NNT: variants seen among roughly 807,000 people sequenced by gnomAD.
NNT encodes the protein NAD(P) transhydrogenase, mitochondrial.
NNT carries 50 observed loss-of-function variants against 104.8 expected under a neutral mutation model. That is an observed-to-expected ratio of 0.48 (90% CI 0.38 to 0.60). The LOEUF (loss-of-function observed/expected upper bound fraction) is 0.60. Among genes scored for constraint, NNT ranks in the 20% least tolerant of loss-of-function variants. NNT has a pLI of 0.00. For synonymous variants in NNT, 461 were observed against 490.4 expected (o/e 0.94, Z 0.79); for missense variants, 1,131 against 1,330.7 (o/e 0.85, Z 2.33).
chr5:43,701,002 G>A (rs987436507), intron 20 of NNT, among the ~76,000 whole-genome samples: 4 of 152,212 alleles, frequency 2.6e-5, no homozygotes, highest in African/African-American at 9.7e-5. Flanking sequence ...AGATTCCACT[G>A]TTGTTAAATT....
rs1412211304 is a variant in NNT, at chr5:43,707,198, TA to T, written c.*2797del. ...AATGTGATCTTTCCCATTAAAAAAA[TA>T]AAGAAATTTTGGGGTAAAAAAACAC... is the stretch of plus-strand genomic sequence containing the variant. On this transcript the variant is annotated 3_prime_UTR_variant, in exon 22 of 22. Coordinates refer to ENST00000344920, the MANE Select transcript of NNT (RefSeq NM_182977.3). 1 of 151,466 alleles carries T rather than the reference TA, an allele frequency of 6.6e-6. No homozygotes were observed. The highest frequency in any genetic ancestry group is 1.9e-4 in the East Asian group (1 of 5,166). The allele number at this position is 151,466 out of a possible 1,614,324, so 9.4% of individuals were successfully genotyped here. A position where few individuals can be genotyped will look rare whatever the true frequency, so the allele number is the denominator to read the frequency against.
chr5:43,657,145 A>G (rs1028193001), intron 16 of NNT, among the ~76,000 whole-genome samples: 9 of 152,240 alleles, frequency 5.9e-5, no homozygotes, highest in African/African-American at 2.2e-4. Context: ...CTATATGACA[A>G]GCCCTACAAA....
chr5:43,654,484 T>C (rs901749631), intron 14 of NNT, among the ~76,000 whole-genome samples: 5 of 152,242 alleles, frequency 3.3e-5, no homozygotes, highest in African/African-American at 1.2e-4. Context: ...GGTTGATAAA[T>C]GAGTGAAGTT....
intron 19 of NNT, among the ~76,000 whole-genome samples, chr5:43,691,373 G>C (rs757058526): frequency 2.6e-5 from 4 of 152,124 alleles, no homozygotes; most frequent in Admixed American, 1.3e-4. Context: ...TAAAGTGCTC[G>C]GATTACAGGT....
At chr5:43,613,836 A>C (rs1448164771) in intron 3 of NNT, among the ~76,000 whole-genome samples, 1 of 152,176 alleles carries the variant, frequency 6.6e-6, no homozygotes, top group African/African-American at 2.4e-5. Flanking sequence ...TCATTTTTTC[A>C]GGAGATACAG....
chr5:43,633,545 T>C (rs943607683), intron 7 of NNT, among the ~76,000 whole-genome samples: 1 of 152,244 alleles, frequency 6.6e-6, no homozygotes. Flanking sequence ...TTTTCTTTTT[T>C]CTGCACTCAA....
intron 17 of NNT, among the ~76,000 whole-genome samples, chr5:43,671,738 T>A (rs1179575745): frequency 6.6e-6 from 1 of 152,192 alleles, no homozygotes; most frequent in African/African-American, 2.4e-5. Context: ...ATTTCAACTT[T>A]GGTGAATGTG....
chr5:43,645,344 T>A lies in NNT; in HGVS notation c.1291-13T>A, dbSNP rs1739329390. On this transcript the variant is annotated splice_polypyrimidine_tract_variant and intron_variant, in intron 9 of 21. Transcript: ENST00000344920. ...TGACTTTTTAATACGTACTATTTTTTAATGTCTATTAGGATGGTAAAGTGA... is the reference window on the plus strand; with the variant it reads ...TGACTTTTTAATACGTACTATTTTTAAATGTCTATTAGGATGGTAAAGTGA... The A allele has an allele frequency of 7.0e-7, 1 of 1,432,030 alleles. No individual in the cohort carries two copies. The highest frequency in any genetic ancestry group is 9.2e-7 in the Non-Finnish European group (1 of 1,085,780). 88.7% of individuals were successfully genotyped at this position (1,432,030 alleles called of 1,614,324 possible).
At position 43,628,290 on chromosome 5, in the gene NNT, A is replaced by G; in HGVS notation, c.867A>G (p.Ala289=). Residue 289 remains alanine, a synonymous_variant, in exon 7 of 22, where the codon GCA becomes GCG. Coordinates refer to ENST00000344920, the MANE Select transcript of NNT (RefSeq NM_182977.3). ...CTGGTGAGGGACAAGGAGGATATGC[A>G]AAAGAGATGTCCAAAGAGTTCATTG... ...KESGEGQGGY[A]KEMSKEFIEA... is the part of the protein sequence containing the mutation. 1 of 1,614,102 alleles carries G rather than the reference A, an allele frequency of 6.2e-7. No individual in the cohort carries two copies.
At position 43,705,839 on chromosome 5, in the gene NNT, T is replaced by C. The variant is rs1339116599; in HGVS notation, c.*1435T>C. The C allele has an allele frequency of 6.6e-6, 1 of 152,012 alleles. No individual in the cohort carries two copies. Among genetic ancestry groups the C allele is most frequent in the Non-Finnish European group, 1.5e-5 (1 of 67,936 alleles). 9.4% of individuals were successfully genotyped at this position (152,012 alleles called of 1,614,324 possible). A position where few individuals can be genotyped will look rare whatever the true frequency, so the allele number is the denominator to read the frequency against. Reference sequence around the variant, plus strand: ...AGACTTTTTTAAAAGTTTTAAGTGATAAATGCAATTTGTTAATTGATCTTA... The same window carrying C: ...AGACTTTTTTAAAAGTTTTAAGTGACAAATGCAATTTGTTAATTGATCTTA... On this transcript the variant is annotated 3_prime_UTR_variant, in exon 22 of 22. Transcript: ENST00000344920.
Position 43,706,392 on chromosome 5 carries a change from A to T in NNT, c.*1988A>T, listed in dbSNP as rs1242755703. 2 of 151,316 alleles carry T rather than the reference A, an allele frequency of 1.3e-5. No homozygotes were observed. Among genetic ancestry groups the T allele is most frequent in the Non-Finnish European group, 3.0e-5 (2 of 67,788 alleles). The allele number at this position is 151,316 out of a possible 1,614,324, so 9.4% of individuals were successfully genotyped here. A position where few individuals can be genotyped will look rare whatever the true frequency, so the allele number is the denominator to read the frequency against. On this transcript the variant is annotated 3_prime_UTR_variant, in exon 22 of 22. Coordinates refer to ENST00000344920, the MANE Select transcript of NNT (RefSeq NM_182977.3). The stretch of plus-strand genomic sequence containing the variant: ...TAGATATGACTTATTTTATTTTTGT[A>T]TTATTCACTATATCTTTATGATATT...
chr5:43,611,180 G>A (rs2111790177), intron 2 of NNT, among the ~76,000 whole-genome samples: 3 of 140,418 alleles, frequency 2.1e-5, no homozygotes, highest in African/African-American at 8.0e-5. Context: ...TATTTGCTAT[G>A]TCTCTTTTGT....
intron 10 of NNT, chr5:43,647,914 T>C: frequency 2.2e-6 from 1 of 458,804 alleles, no homozygotes; most frequent in Non-Finnish European, 4.4e-6. Flanking sequence ...ATTATTATTT[T>C]CTCTTCCAGA....
In NNT at chr5:43,675,557, C is replaced by A; in HGVS notation, c.2681C>A (p.Thr894Asn). Residue 894 changes from threonine (T) to asparagine (N), a missense_variant, in exon 18 of 22, where the codon ACC becomes AAC. By Grantham distance (65) the Thr-to-Asn change is moderately conservative. Transcript: ENST00000344920. ...AATGTGATTCTTGGAGGCTATGGCACCACTTCAACAGCTGGTGGAAAACCC... is the reference window on the plus strand; with the variant it reads ...AATGTGATTCTTGGAGGCTATGGCAACACTTCAACAGCTGGTGGAAAACCC... ...LANVILGGYG[T>N]TSTAGGKPME... 1 of 1,613,320 alleles carries A rather than the reference C, an allele frequency of 6.2e-7. No homozygotes were observed. The highest frequency in any genetic ancestry group is 1.1e-5 in the South Asian group (1 of 90,956).
chr5:43,668,193 A>G (rs1409022588), intron 17 of NNT, among the ~76,000 whole-genome samples: 1 of 148,396 alleles, frequency 6.7e-6, no homozygotes, highest in Admixed American at 6.7e-5. Flanking sequence ...AGATGAGTAG[A>G]TTGCAAAAAT....
intron 17 of NNT, among the ~76,000 whole-genome samples, chr5:43,667,694 T>G (rs565315573): frequency 1.3e-5 from 2 of 152,216 alleles, no homozygotes; most frequent in Non-Finnish European, 2.9e-5. Context: ...TGGTTCCAAG[T>G]CTTTGCTATT....
chr5:43,626,848 T>C (rs933570304), intron 6 of NNT, among the ~76,000 whole-genome samples: 1 of 151,098 alleles, frequency 6.6e-6, no homozygotes, highest in Non-Finnish European at 1.5e-5. Flanking sequence ...TACACACATA[T>C]ACACACATAT....
At chr5:43,622,520 G>A (rs1750151194) in intron 5 of NNT, among the ~76,000 whole-genome samples, 1 of 152,080 alleles carries the variant, frequency 6.6e-6, no homozygotes, top group Non-Finnish European at 1.5e-5. Flanking sequence ...CTCCTGTCTT[G>A]GCCTCCCAAA....
intron 6 of NNT, among the ~76,000 whole-genome samples, chr5:43,627,440 T>C (rs1750430703): frequency 6.6e-6 from 1 of 152,266 alleles, no homozygotes; most frequent in Admixed American, 6.5e-5. Flanking sequence ...GGAAGGGGCC[T>C]GGGAATTTGA....
Sources: gnomAD v4.1 joint callset for allele counts (sites outside exome capture counted in the v4.1 genomes callset) on GRCh38, gnomAD v4.1.1 for gene constraint, MANE v1.5 for transcripts, NCBI Gene and HGNC (gene_info 2026-07-23, HGNC 2026-07-21) for gene names.